MED13: variants seen among roughly 807,000 people sequenced by gnomAD.
The protein encoded by MED13 is mediator of RNA polymerase II transcription subunit 13.
MED13 carries 23 observed loss-of-function variants against 225.2 expected under a neutral mutation model. The observed-to-expected ratio is 0.10, with a 90% CI of 0.07 to 0.14. The LOEUF (loss-of-function observed/expected upper bound fraction) is 0.14, where lower values mean the gene tolerates loss of function less well. Among genes scored for constraint, MED13 ranks in the 10% least tolerant of loss-of-function variants. The pLI is 1.00. For missense variants in MED13, 2,197 were observed against 2,594.5 expected (o/e 0.85, Z 3.33); for synonymous variants, 942 against 889.2 (o/e 1.06, Z -1.06).
chr17:62,034,138 G>C (rs747214672), intron 4 of MED13, among the ~76,000 whole-genome samples, 154 bp from the exon 5 acceptor site: 1 of 152,094 alleles, frequency 6.6e-6, no homozygotes, highest in African/African-American at 2.4e-5. Flanking sequence ...ATTATACTTC[G>C]TTACTGTGAA....
chr17:61,963,810 A>G (rs2080029093), intron 20 of MED13, among the ~76,000 whole-genome samples: 1 of 152,216 alleles, frequency 6.6e-6, no homozygotes, highest in Non-Finnish European at 1.5e-5. Flanking sequence ...GCTGACAGAT[A>G]TAATTAAGCT....
intron 9 of MED13, among the ~76,000 whole-genome samples, chr17:61,996,167 C>A (rs1396452566): frequency 6.6e-6 from 1 of 152,132 alleles, no homozygotes; most frequent in Non-Finnish European, 1.5e-5. Context: ...AGGGATGCCA[C>A]AACAAGAAGC....
chr17:61,993,181 G>GTTCT (rs1178646454), intron 10 of MED13, among the ~76,000 whole-genome samples: 24 of 138,576 alleles, frequency 1.7e-4, no homozygotes, highest in East Asian at 6.8e-4. Context: ...CAAAGTCCAT[G>GTTCT]TTCTTTCTTT....
intron 26 of MED13, among the ~76,000 whole-genome samples, chr17:61,953,989 A>G (rs1216792959): frequency 6.6e-6 from 1 of 152,156 alleles, no homozygotes; most frequent in African/African-American, 2.4e-5. Flanking sequence ...AGAGATTAAC[A>G]ACGAGAATAT....
At chr17:61,949,744 G>C (rs8068199) in intron 28 of MED13, among the ~76,000 whole-genome samples, 5,842 of 152,218 alleles carry the variant, frequency 0.038, 367 homozygotes, top group African/African-American at 0.13. Flanking sequence ...CTGGAGTGCA[G>C]TGGCGCGATC....
At chr17:61,952,706 G>A (rs1044998138) in intron 27 of MED13, among the ~76,000 whole-genome samples, 9 of 152,054 alleles carry the variant, frequency 5.9e-5, no homozygotes, top group African/African-American at 2.2e-4. Context: ...GGATGATCTC[G>A]GCTCACTACA....
chr17:61,954,425 T>C (rs888434172), intron 26 of MED13, among the ~76,000 whole-genome samples: 2 of 152,212 alleles, frequency 1.3e-5, no homozygotes, highest in Admixed American at 1.3e-4. Context: ...TACAGGTACC[T>C]CAAAAGCACA....
intron 8 of MED13, among the ~76,000 whole-genome samples, chr17:62,015,911 T>TACACACACAC (rs1181563177): frequency 1.5e-4 from 5 of 33,786 alleles, no homozygotes; most frequent in African/African-American, 6.1e-4. Context: ...ATACACACTA[T>TACACACACAC]ACACATATAT....
In MED13 at chr17:61,961,571, G is replaced by A; in HGVS notation, c.5256+17C>T. ...TGTATAGTCATTGAACTTCGGTCAT[G>A]AAAAACATATACTTACATCAGGACT... On this transcript the variant is annotated intron_variant, in intron 22 of 29. Transcript: ENST00000397786. The A allele has an allele frequency of 7.9e-7, 1 of 1,260,676 alleles. No homozygotes were observed. The highest frequency in any genetic ancestry group is 1.1e-6 in the Non-Finnish European group (1 of 880,636). The allele number at this position is 1,260,676 out of a possible 1,614,324, so 78.1% of individuals were successfully genotyped here.
intron 16 of MED13, among the ~76,000 whole-genome samples, chr17:61,979,109 A>G (rs2080181790): frequency 6.6e-6 from 1 of 152,188 alleles, no homozygotes; most frequent in Non-Finnish European, 1.5e-5. Flanking sequence ...TGCTTGTTTC[A>G]AAACTTTATT....
chr17:62,064,194 G>A lies in MED13; in HGVS notation c.67-893C>T, dbSNP rs147138202. 7.2e-5 allele frequency among the ~76,000 whole-genome samples: 11 copies of A among 152,272 alleles called. No homozygotes were observed. In the East Asian group the frequency reaches 2.1e-3, roughly 29 times the overall value. On this transcript the variant is annotated intron_variant, in intron 1 of 29. Coordinates refer to ENST00000397786, the MANE Select transcript of MED13 (RefSeq NM_005121.3). ...TCTTAATATTTCTCATAGCACAAAG[G>A]AGAAAATGAAAAAGTAAAGTCACCC...
chr17:62,042,993 C>T (rs1269335102), intron 3 of MED13, among the ~76,000 whole-genome samples: 2 of 151,336 alleles, frequency 1.3e-5, no homozygotes, highest in African/African-American at 2.4e-5. Flanking sequence ...CCCATCTCTA[C>T]CTAAATTACA....
At position 61,965,145 on chromosome 17, in the gene MED13, C is replaced by A. The variant is rs755980999; in HGVS notation, c.4705G>T (p.Ala1569Ser). The A allele has an allele frequency of 1.9e-6, 3 of 1,614,120 alleles. No homozygotes were observed. Among genetic ancestry groups the A allele is most frequent in the Non-Finnish European group, 2.5e-6 (3 of 1,180,006 alleles). Residue 1569 changes from alanine (A) to serine (S), a missense_variant, in exon 20 of 30, where the codon GCA (alanine) becomes TCA (serine). Physicochemically the swap from Ala to Ser is moderately conservative, Grantham distance 99. Coordinates refer to ENST00000397786, the MANE Select transcript of MED13 (RefSeq NM_005121.3). ...PPFGSMNSNAAGSMSTQANTV... is the reference protein window; with the variant it reads ...PPFGSMNSNASGSMSTQANTV... ...TTTGCTTGTGTAGACATGGATCCTG[C>A]AGCATTACTGTTCATACTGCCAAAG...
intron 28 of MED13, among the ~76,000 whole-genome samples, chr17:61,950,385 G>GTT (rs537705894): frequency 6.3e-5 from 9 of 142,898 alleles, no homozygotes; most frequent in East Asian, 2.0e-4. Context: ...AAAACTAGTT[G>GTT]TTTTTTTTTT....
At chr17:61,959,673 TA>T (rs779659999) in intron 23 of MED13, among the ~76,000 whole-genome samples, 1 of 149,688 alleles carries the variant, frequency 6.7e-6, no homozygotes, top group Non-Finnish European at 1.5e-5. Flanking sequence ...ACTTCTCACC[TA>T]AAAAACAAGC....
At chr17:61,962,621 T>TA in intron 21 of MED13, 131 bp downstream of exon 21, 1 of 649,550 alleles carries the variant, frequency 1.5e-6, no homozygotes, top group South Asian at 2.2e-5. Flanking sequence ...ATTATGATAT[T>TA]AAAGTAAAAT....
In MED13 at chr17:62,016,623, A is replaced by G. The variant is rs961971845; in HGVS notation, c.1284-5390T>C. Among the ~76,000 whole-genome samples, 61 of 152,222 alleles carry G rather than the reference A, an allele frequency of 4.0e-4. 1 individual carries two copies. The highest frequency in any genetic ancestry group is 1.4e-3 in the African/African-American group (60 of 41,452). The stretch of plus-strand genomic sequence containing the variant: ...AGATGTAAAATACCAATTTTCCAAG[A>G]CATGTTATAAAATAAAGAAATGCCA... On this transcript the variant is annotated intron_variant, in intron 8 of 29. Coordinates refer to ENST00000397786, the MANE Select transcript of MED13 (RefSeq NM_005121.3).
chr17:61,967,935 A>G, intron 18 of MED13, 100 bp downstream of exon 18: 1 of 864,122 alleles, frequency 1.2e-6, no homozygotes, highest in Non-Finnish European at 1.8e-6. Flanking sequence ...ATCTGACATC[A>G]TCACTGTGTC....
rs545406435 is a variant in MED13 at position 62,054,354 on chromosome 17, A to C, written c.302-1649T>G. ...AGCTTAGGGAAAAAAAAGTAGAATA[A>C]GCTTGAGAAAATGACAATATTTCAG... On this transcript the variant is annotated intron_variant, in intron 2 of 29. Transcript: ENST00000397786. Among the ~76,000 whole-genome samples, 4 of 152,336 alleles carry C rather than the reference A, an allele frequency of 2.6e-5. No individual in the cohort carries two copies. In the South Asian group the frequency reaches 6.2e-4, roughly 24 times the overall value.
Sources: allele counts gnomAD v4.1 joint callset (sites outside exome capture counted in the v4.1 genomes callset), GRCh38; gene constraint gnomAD v4.1.1; transcripts MANE v1.5; gene names NCBI Gene and HGNC (gene_info 2026-07-23, HGNC 2026-07-21).